ALDH7A1: variants seen among roughly 807,000 people sequenced by gnomAD.
ALDH7A1 encodes the protein alpha-aminoadipic semialdehyde dehydrogenase.
In ALDH7A1, 63 loss-of-function variants were observed where a neutral mutation model predicts 79.9. That is an observed-to-expected ratio of 0.79 (90% CI 0.64 to 0.97). ALDH7A1 has a LOEUF of 0.97. Ranked by LOEUF, ALDH7A1 falls within the 50% of genes least tolerant of loss-of-function variation. The pLI, the probability that ALDH7A1 is intolerant of heterozygous loss-of-function variation, is 0.00. For synonymous variants in ALDH7A1, 240 were observed against 231.2 expected (o/e 1.04, Z -0.34); for missense variants, 627 against 665.2 (o/e 0.94, Z 0.63).
At chr5:126,564,138 T>G (rs916929873) in intron 9 of ALDH7A1, among the ~76,000 whole-genome samples, 1 of 152,094 alleles carries the variant, frequency 6.6e-6, no homozygotes, top group Non-Finnish European at 1.5e-5. Flanking sequence ...CTGAGAGATG[T>G]GTTTGCCTCA....
At chr5:126,546,055 C>T (rs912355238) in intron 17 of ALDH7A1, among the ~76,000 whole-genome samples, 1 of 152,164 alleles carries the variant, frequency 6.6e-6, no homozygotes, top group African/African-American at 2.4e-5. Context: ...CGAGACCAGC[C>T]TGACCAACAT....
chr5:126,585,155 G>A (rs188927685), intron 3 of ALDH7A1, among the ~76,000 whole-genome samples: 9 of 152,148 alleles, frequency 5.9e-5, no homozygotes, highest in East Asian at 3.9e-4. Flanking sequence ...AAAATTAGCC[G>A]GGCATGGTGG....
intron 16 of ALDH7A1, among the ~76,000 whole-genome samples, chr5:126,548,254 G>T (rs115963199): frequency 1.3e-5 from 2 of 152,028 alleles, no homozygotes; most frequent in Non-Finnish European, 2.9e-5. Flanking sequence ...GCTTAAGCGA[G>T]CCTTGCACCT....
At chr5:126,557,312 T>C (rs1750228373) in intron 11 of ALDH7A1, among the ~76,000 whole-genome samples, 2 of 152,020 alleles carry the variant, frequency 1.3e-5, no homozygotes, top group Admixed American at 6.6e-5. Flanking sequence ...AGAGGCCGGG[T>C]GCGGTGGCTC....
chr5:126,555,847 G>A (rs1256609877), intron 12 of ALDH7A1, 84 bp downstream of exon 12: 1 of 1,166,372 alleles, frequency 8.6e-7, no homozygotes, highest in Non-Finnish European at 1.3e-6. Flanking sequence ...GAAAGGGAAA[G>A]AAACTCCAAA....
At chr5:126,587,110 G>C (rs1751381024) in intron 3 of ALDH7A1, 1 of 151,386 alleles carries the variant, frequency 6.6e-6, no homozygotes, top group East Asian at 1.9e-4. Context: ...AAAAAAAACA[G>C]TTCCCTGTCT....
At chr5:126,589,971 G>A (rs1370975288) in intron 3 of ALDH7A1, among the ~76,000 whole-genome samples, 2 of 136,540 alleles carry the variant, frequency 1.5e-5, no homozygotes, top group Non-Finnish European at 3.1e-5. Flanking sequence ...GCCCCATCTG[G>A]AAAGTGAGGA....
Position 126,553,352 on chromosome 5 carries a change from ATCT to A in ALDH7A1, c.1200+932_1200+934del, listed in dbSNP as rs553544693. 8.0e-4 allele frequency: 122 copies of A among 152,330 alleles called. 1 individual carries two copies. Among genetic ancestry groups the A allele is most frequent in the African/African-American group, 2.3e-3 (94 of 41,580 alleles). The allele number at this position is 152,330 out of a possible 1,614,324, so 9.4% of individuals were successfully genotyped here. On this transcript the variant is annotated intron_variant, in intron 13 of 17. Transcript: ENST00000409134. ...TCATCATTGTGCATAAGCCATGCTA[ATCT>A]TCTCTGTATCTTTCCAATTTTAGTA...
rs1418934195 is a variant in ALDH7A1 at position 126,595,100 on chromosome 5, G to A, written c.99C>T (p.Leu33=). Residue 33 remains leucine (L), a synonymous_variant, in exon 1 of 18, where the codon CTC becomes CTT. Coordinates refer to ENST00000409134, the MANE Select transcript of ALDH7A1 (RefSeq NM_001182.5). ...GCCACGCATACTGGGGCTGATTGAT[G>A]AGGAGAGTGGACATGAAGGCGGCAG... is the stretch of plus-strand genomic sequence containing the variant. ...SRPAAFMSTL[L]INQPQYAWLK... The A allele has an allele frequency of 6.3e-7, 1 of 1,595,812 alleles. No individual in the cohort carries two copies. Among genetic ancestry groups the A allele is most frequent in the South Asian group, 1.1e-5 (1 of 88,036 alleles).
intron 4 of ALDH7A1, 26 bp downstream of exon 4, chr5:126,583,904 TTG>T (rs1437385784): frequency 6.4e-7 from 1 of 1,568,604 alleles, no homozygotes; most frequent in East Asian, 2.2e-5. Flanking sequence ...ACTCAAAGAA[TTG>T]TGTATATACT....
intron 9 of ALDH7A1, chr5:126,564,706 C>T: frequency 2.0e-6 from 1 of 499,294 alleles, no homozygotes. Flanking sequence ...GAATTAATGA[C>T]AGCTTGCTGG....
At chr5:126,593,783 A>C (rs971413045) in intron 1 of ALDH7A1, 1 of 334,806 alleles carries the variant, frequency 3.0e-6, no homozygotes, top group African/African-American at 2.1e-5. Flanking sequence ...CAAGGCAGGA[A>C]AACTGTTGGA....
intron 5 of ALDH7A1, among the ~76,000 whole-genome samples, chr5:126,579,753 T>G (rs1442083402): frequency 6.6e-6 from 1 of 151,656 alleles, no homozygotes; most frequent in Non-Finnish European, 1.5e-5. Flanking sequence ...AGCCAAGGAG[T>G]TCTAGACCAG....
At position 126,582,968 on chromosome 5, in the gene ALDH7A1, A is replaced by C. The variant is rs1335325153; in HGVS notation, c.400T>G (p.Leu134Val). 3 of 1,613,876 alleles carry C rather than the reference A, an allele frequency of 1.9e-6. No homozygotes were observed. Among genetic ancestry groups the C allele is most frequent in the Non-Finnish European group, 2.5e-6 (3 of 1,179,960 alleles). Residue 134 changes from leucine (L) to valine (V), a missense_variant, in exon 5 of 18, where the codon TTG becomes GTG. Physicochemically the swap from Leu to Val is conservative, Grantham distance 32. Transcript: ENST00000409134. ...KIQVLGSLVS[L>V]EMGKILVEGV... ...TCCACTAAGATTTTCCCCATCTCCA[A>C]AGACACCTAGAAATATAAAACGACA...
chr5:126,588,803 G>A (rs1202180695), intron 3 of ALDH7A1: 2 of 152,176 alleles, frequency 1.3e-5, no homozygotes, highest in Admixed American at 6.5e-5. Context: ...AGCACTTTGG[G>A]AGGTTGAGGT....
chr5:126,559,528 C>T (rs1420320216), intron 10 of ALDH7A1, among the ~76,000 whole-genome samples, 194 bp from the exon 11 acceptor site: 4 of 150,984 alleles, frequency 2.6e-5, no homozygotes, highest in Non-Finnish European at 4.4e-5. Flanking sequence ...CTTTGCCTCC[C>T]GGGTTCAAGA....
intron 9 of ALDH7A1, chr5:126,561,393 A>T (rs528891890): frequency 4.0e-6 from 1 of 250,980 alleles, no homozygotes; most frequent in East Asian, 8.2e-5. Context: ...AAATGTCCAC[A>T]TTCTTAGGAA....
chr5:126,542,404 C>T lies in ALDH7A1; in HGVS notation c.*2561G>A, dbSNP rs1749636825. On this transcript the variant is annotated 3_prime_UTR_variant, in exon 18 of 18. Transcript: ENST00000409134. The stretch of plus-strand genomic sequence containing the variant: ...CAGAGCTGGGCATGGTGGCACACTC[C>T]TGTAATCCCAACAACTCAAGAGGCT... 6.6e-6 allele frequency: 1 copy of T among 152,312 alleles called. No homozygotes were observed. The highest frequency in any genetic ancestry group is 1.5e-5 in the Non-Finnish European group (1 of 68,160). The allele number at this position is 152,312 out of a possible 1,614,324, so 9.4% of individuals were successfully genotyped here.
intron 9 of ALDH7A1, among the ~76,000 whole-genome samples, chr5:126,563,635 C>A (rs886663225): frequency 1.5e-4 from 23 of 152,118 alleles, no homozygotes; most frequent in African/African-American, 5.6e-4. Context: ...GGACTACAGG[C>A]ATGCACCATC....
Sources: gnomAD v4.1 joint callset for allele counts (sites outside exome capture counted in the v4.1 genomes callset) on GRCh38, gnomAD v4.1.1 for gene constraint, MANE v1.5 for transcripts, NCBI Gene and HGNC (gene_info 2026-07-23, HGNC 2026-07-21) for gene names.